Variants in TMEM144 observed in about 807,000 individuals in gnomAD.
TMEM144 encodes the protein transmembrane protein 144.
In TMEM144, 39 loss-of-function variants were observed where a neutral mutation model predicts 43.6. The observed-to-expected ratio is 0.90, with a 90% CI of 0.69 to 1.17. The LOEUF (loss-of-function observed/expected upper bound fraction) is 1.17. Ranked by LOEUF, TMEM144 falls within the 50% of genes most tolerant of loss-of-function variation. The probability of loss-of-function intolerance (pLI) is 0.00; values close to 1 mark genes in which losing one functional copy is unlikely to be tolerated. For missense variants in TMEM144, 417 were observed against 411.9 expected, an observed-to-expected ratio of 1.01 and a Z score of -0.11; for synonymous variants, 154 against 133.6, an observed-to-expected ratio of 1.15 and a Z score of -1.06.
Position 158,241,548 on chromosome 4 carries a change from G to A in TMEM144, c.842G>A (p.Cys281Tyr). ...GTACTTTGGGCTATAGCTACCTGCT[G>A]TTGGTTCATAGCAAATCACTCTCTG... ...SGVLWAIATC[C>Y]WFIANHSLSA... Residue 281 changes from cysteine to tyrosine, a missense_variant, in exon 11 of 13, where the codon TGT becomes TAT. Transcript: ENST00000296529. The A allele has an allele frequency of 6.2e-7, 1 of 1,614,024 alleles. No individual in the cohort carries two copies. The highest frequency in any genetic ancestry group is 8.5e-7 in the Non-Finnish European group (1 of 1,179,890).
At chr4:158,241,856 T>A (rs60508521) in intron 11 of TMEM144, among the ~76,000 whole-genome samples, 77 of 152,320 alleles carry the variant, frequency 5.1e-4, no homozygotes, top group African/African-American at 1.8e-3. Flanking sequence ...TTTGGTTTGA[T>A]TGGTTTATCT....
At chr4:158,224,730 C>G (rs1023364102) in intron 6 of TMEM144, among the ~76,000 whole-genome samples, 1 of 152,136 alleles carries the variant, frequency 6.6e-6, no homozygotes, top group Non-Finnish European at 1.5e-5. Flanking sequence ...CGATGAGTTT[C>G]CTCATGCTTC....
At chr4:158,215,346 G>C (rs201250106) in intron 4 of TMEM144, 33 bp downstream of exon 4, 4 of 1,602,578 alleles carry the variant, frequency 2.5e-6, no homozygotes, top group African/African-American at 1.3e-5. Flanking sequence ...CTTTTATTAT[G>C]TAACATAATG....
intron 8 of TMEM144, among the ~76,000 whole-genome samples, chr4:158,236,496 T>C (rs1735356226): frequency 6.6e-6 from 1 of 152,210 alleles, no homozygotes; most frequent in Non-Finnish European, 1.5e-5. Flanking sequence ...TCCACGGCTA[T>C]GAAGTCCAGA....
chr4:158,241,750 A>T, intron 11 of TMEM144, 144 bp downstream of exon 11: 1 of 588,100 alleles, frequency 1.7e-6, no homozygotes, highest in Non-Finnish European at 3.0e-6. Flanking sequence ...AGATAAACTG[A>T]CCCTCTTGAA....
intron 2 of TMEM144, chr4:158,212,168 T>A (rs1407517427): frequency 6.6e-6 from 1 of 152,258 alleles, no homozygotes; most frequent in Non-Finnish European, 1.5e-5. Context: ...TTTTTTCTCA[T>A]GTATCTCGGG....
intron 2 of TMEM144, chr4:158,211,832 A>G (rs1733974418): frequency 6.6e-6 from 1 of 152,208 alleles, no homozygotes; most frequent in Non-Finnish European, 1.5e-5. Context: ...AACTATCTTT[A>G]ATAATGGTAA....
chr4:158,237,624 T>C lies in TMEM144; in HGVS notation c.663T>C (p.Tyr221=). The C allele has an allele frequency of 1.2e-6, 2 of 1,612,164 alleles. No individual in the cohort carries two copies. Among genetic ancestry groups the C allele is most frequent in the African/African-American group, 1.3e-5 (1 of 75,012 alleles). The change falls in exon 9 of 13, where the codon TAT becomes TAC. Residue 221 remains tyrosine, a synonymous_variant. Coordinates refer to ENST00000296529, the MANE Select transcript of TMEM144 (RefSeq NM_018342.5). ...KDHSKRNDSI[Y]AGASQYDLDY... ...ACAGCAAAAGAAATGATAGTATATATGCAGGGGCAAGCCAATATGGTGAGA... is the reference window on the plus strand; with the variant it reads ...ACAGCAAAAGAAATGATAGTATATACGCAGGGGCAAGCCAATATGGTGAGA...
intron 5 of TMEM144, among the ~76,000 whole-genome samples, chr4:158,219,001 T>C (rs1734375267): frequency 1.3e-5 from 2 of 152,084 alleles, no homozygotes; most frequent in Admixed American, 6.6e-5. Flanking sequence ...TAGTCCCAGC[T>C]ACTTGGGAGG....
chr4:158,240,374 C>T lies in TMEM144; in HGVS notation c.758C>T (p.Ala253Val). ...STVYFLAYCI[A>V]MKNSPKLYPE... is the part of the protein sequence containing the mutation. ...GTCTACTTTCTGGCCTACTGCATAGCCATGAAAAATAGTCCTAAACTATAT... is the reference window on the plus strand; with the variant it reads ...GTCTACTTTCTGGCCTACTGCATAGTCATGAAAAATAGTCCTAAACTATAT... Residue 253 changes from alanine (A) to valine (V), a missense_variant, in exon 10 of 13, where the codon GCC becomes GTC. Coordinates refer to ENST00000296529, the MANE Select transcript of TMEM144 (RefSeq NM_018342.5). The T allele has an allele frequency of 6.2e-7, 1 of 1,613,700 alleles. No individual in the cohort carries two copies. The highest frequency in any genetic ancestry group is 8.5e-7 in the Non-Finnish European group (1 of 1,179,862).
At position 158,217,317 on chromosome 4, in the gene TMEM144, A is replaced by G; in HGVS notation, c.233-4A>G. 3 of 1,594,222 alleles carry G rather than the reference A, an allele frequency of 1.9e-6. No individual in the cohort carries two copies. Among genetic ancestry groups the G allele is most frequent in the African/African-American group, 1.3e-5 (1 of 74,592 alleles). On this transcript the variant is annotated splice_region_variant and splice_polypyrimidine_tract_variant and intron_variant, in intron 4 of 12. Coordinates refer to ENST00000296529, the MANE Select transcript of TMEM144 (RefSeq NM_018342.5). ...CATGTTTCTTCTGTATATTACATCTACAGGGAACATTGCTGTTGTCCCAAT... is the reference window on the plus strand; with the variant it reads ...CATGTTTCTTCTGTATATTACATCTGCAGGGAACATTGCTGTTGTCCCAAT...
At chr4:158,217,830 T>C (rs1012491422) in intron 5 of TMEM144, among the ~76,000 whole-genome samples, 2 of 152,218 alleles carry the variant, frequency 1.3e-5, no homozygotes, top group Non-Finnish European at 2.9e-5. Flanking sequence ...ACTAAGAAGC[T>C]AGGATTCAAA....
At chr4:158,227,345 T>C (rs762138515) in intron 6 of TMEM144, among the ~76,000 whole-genome samples, 9 of 152,182 alleles carry the variant, frequency 5.9e-5, no homozygotes, top group Non-Finnish European at 1.2e-4. Flanking sequence ...CACGGGTTAC[T>C]GGGTTAAGGA....
intron 6 of TMEM144, among the ~76,000 whole-genome samples, chr4:158,232,148 G>A (rs910814840): frequency 6.6e-6 from 1 of 152,156 alleles, no homozygotes; most frequent in Non-Finnish European, 1.5e-5. Flanking sequence ...AAATTTGCAT[G>A]GCTTAAAAGC....
At chr4:158,250,201 TATATATATATATATATATATATA>T (rs1452522798) in intron 12 of TMEM144, among the ~76,000 whole-genome samples, 849 of 6,944 alleles carry the variant, frequency 0.12, 13 homozygotes, top group African/African-American at 0.39. Flanking sequence ...ATAACATATA[TATATATATATATATATATATATA>T]TATATAGTTA....
chr4:158,234,462 C>T (rs905960509), intron 7 of TMEM144: 1 of 151,892 alleles, frequency 6.6e-6, no homozygotes, highest in African/African-American at 2.4e-5. Flanking sequence ...ATCACTTGAA[C>T]CTGGGAGGAG....
At chr4:158,215,419 T>G (rs1734175155) in intron 4 of TMEM144, 106 bp downstream of exon 4, 1 of 1,314,672 alleles carries the variant, frequency 7.6e-7, no homozygotes, top group Non-Finnish European at 1.0e-6. Context: ...GAATAACCCT[T>G]AGTCATAGAT....
chr4:158,225,656 C>T (rs912180088), intron 6 of TMEM144, among the ~76,000 whole-genome samples: 1 of 152,184 alleles, frequency 6.6e-6, no homozygotes, highest in East Asian at 1.9e-4. Flanking sequence ...AGCACAAGTG[C>T]CATGCTAGTT....
At chr4:158,235,100 G>A (rs1735274778) in intron 7 of TMEM144, 1 of 183,466 alleles carries the variant, frequency 5.5e-6, no homozygotes, top group Non-Finnish European at 1.1e-5. Flanking sequence ...TTCCATAGGA[G>A]GAGAGTCTAA....
Sources: gnomAD v4.1 joint callset for allele counts (sites outside exome capture counted in the v4.1 genomes callset) on GRCh38, gnomAD v4.1.1 for gene constraint, MANE v1.5 for transcripts, NCBI Gene and HGNC (gene_info 2026-07-23, HGNC 2026-07-21) for gene names.